Variants in HPSE2 observed in about 807,000 individuals in gnomAD.
HPSE2 encodes the protein inactive heparanase-2.
A neutral mutation model predicts 60.5 loss-of-function variants in HPSE2; 38 were observed. The observed-to-expected ratio is 0.63, with a 90% CI of 0.48 to 0.82. The LOEUF (loss-of-function observed/expected upper bound fraction) is 0.82. Among genes scored for constraint, HPSE2 ranks in the 40% least tolerant of loss-of-function variants. The pLI is 0.00. For missense variants in HPSE2, 713 were observed against 740.4 expected (o/e 0.96, Z 0.43); for synonymous variants, 295 against 293.2 (o/e 1.01, Z -0.06).
intron 11 of HPSE2, among the ~76,000 whole-genome samples, chr10:98,464,759 G>T (rs1332958880): frequency 6.6e-6 from 1 of 152,158 alleles, no homozygotes; most frequent in Non-Finnish European, 1.5e-5. Context: ...CAGCTCTAAA[G>T]AGGCTCCCTG....
At chr10:98,627,925 T>G (rs1350739240) in intron 7 of HPSE2, among the ~76,000 whole-genome samples, 1 of 152,214 alleles carries the variant, frequency 6.6e-6, no homozygotes, top group Admixed American at 6.5e-5. Context: ...AAAATGCACA[T>G]GGATAACTCA....
At position 98,940,558 on chromosome 10, in the gene HPSE2, C is replaced by T. The variant is rs1391431503; in HGVS notation, c.611-196502G>A. 2.8e-5 allele frequency among the ~76,000 whole-genome samples: 4 copies of T among 142,722 alleles called. 1 individual carries two copies. The highest frequency in any genetic ancestry group is 4.5e-5 in the Non-Finnish European group (3 of 66,960). 93.6% of individuals were successfully genotyped at this position (142,722 alleles called of 152,430 possible). A position where few individuals can be genotyped will look rare whatever the true frequency, so the allele number is the denominator to read the frequency against. On this transcript the variant is annotated intron_variant, in intron 3 of 11. Transcript: ENST00000370552. Reference sequence around the variant, plus strand: ...GAAGAAGTTGAATCTCTGAATAGACCAATAACAGGCTCTGAAATTGTGGCA... The same window carrying T: ...GAAGAAGTTGAATCTCTGAATAGACTAATAACAGGCTCTGAAATTGTGGCA...
intron 3 of HPSE2, among the ~76,000 whole-genome samples, chr10:98,757,594 A>T (rs1949907444): frequency 6.6e-6 from 1 of 152,138 alleles, no homozygotes; most frequent in Non-Finnish European, 1.5e-5. Context: ...AGCCATAAAA[A>T]AATTATAAAA....
At chr10:98,855,448 GC>G (rs1381105441) in intron 3 of HPSE2, among the ~76,000 whole-genome samples, 1 of 152,054 alleles carries the variant, frequency 6.6e-6, no homozygotes, top group African/African-American at 2.4e-5. Context: ...AAGGCACAAA[GC>G]CCAGCTCAGA....
rs115703658 is a variant in HPSE2 at position 98,574,583 on chromosome 10, G to A, written c.1320+40321C>T. Among the ~76,000 whole-genome samples the A allele has an allele frequency of 8.6e-3, 1,308 of 152,304 alleles. 17 individuals carry two copies. The highest frequency in any genetic ancestry group is 0.03 in the African/African-American group (1,253 of 41,568). The stretch of plus-strand genomic sequence containing the variant: ...CTGCTGAAGAATCTGGAACCACTCT[G>A]ATCCCACAGACCCATCCAGTCTACC... On this transcript the variant is annotated intron_variant, in intron 9 of 11. Transcript: ENST00000370552.
intron 3 of HPSE2, among the ~76,000 whole-genome samples, chr10:98,926,730 G>A (rs559270872): frequency 7.2e-5 from 11 of 152,200 alleles, no homozygotes; most frequent in African/African-American, 9.6e-5. Flanking sequence ...GCAGTGATTA[G>A]GACACATTAA....
intron 10 of HPSE2, among the ~76,000 whole-genome samples, chr10:98,488,858 G>A (rs1465765565): frequency 6.6e-6 from 1 of 152,244 alleles, no homozygotes; most frequent in Non-Finnish European, 1.5e-5. Flanking sequence ...GCCCAAGCCA[G>A]CCTCCCCTCA....
At chr10:98,889,474 C>T (rs889140005) in intron 3 of HPSE2, among the ~76,000 whole-genome samples, 2 of 151,836 alleles carry the variant, frequency 1.3e-5, no homozygotes, top group Non-Finnish European at 2.9e-5. Context: ...TCCCAAAGTG[C>T]TGGGATTACA....
chr10:98,851,014 TA>T (rs1176568637), intron 3 of HPSE2, among the ~76,000 whole-genome samples: 1 of 152,222 alleles, frequency 6.6e-6, no homozygotes, highest in Non-Finnish European at 1.5e-5. Context: ...TACTGTGAAT[TA>T]ATGTCAAACC....
At chr10:98,467,013 G>A (rs564518710) in intron 11 of HPSE2, among the ~76,000 whole-genome samples, 2 of 151,980 alleles carry the variant, frequency 1.3e-5, no homozygotes, top group Non-Finnish European at 2.9e-5. Flanking sequence ...ATTCTTTACG[G>A]CCATTTATCT....
At chr10:98,725,460 C>T (rs1949048154) in intron 4 of HPSE2, among the ~76,000 whole-genome samples, 2 of 152,162 alleles carry the variant, frequency 1.3e-5, no homozygotes, top group South Asian at 4.1e-4. Context: ...AACTGAATCC[C>T]TTCCTTACAC....
At chr10:98,852,997 C>T (rs1952219609) in intron 3 of HPSE2, among the ~76,000 whole-genome samples, 1 of 152,138 alleles carries the variant, frequency 6.6e-6, no homozygotes, top group Non-Finnish European at 1.5e-5. Flanking sequence ...CTCTTTGGGG[C>T]CTTATGTTGT....
rs544561000 is a variant in HPSE2 at position 98,956,687 on chromosome 10, C to T, written c.610+187551G>A. Reference sequence around the variant, plus strand: ...TCCTTTTACAGTTCCTTTCAAAGTACCACAGTACAATTTGGTTTACATTTC... The same window carrying T: ...TCCTTTTACAGTTCCTTTCAAAGTATCACAGTACAATTTGGTTTACATTTC... On this transcript the variant is annotated intron_variant, in intron 3 of 11. Transcript: ENST00000370552. Among the ~76,000 whole-genome samples, 3 of 152,098 alleles carry T rather than the reference C, an allele frequency of 2.0e-5. No homozygotes were observed. The South Asian group carries it at 6.2e-4, about 32-fold the overall frequency.
chr10:98,689,652 T>C (rs1460181719), intron 6 of HPSE2, among the ~76,000 whole-genome samples: 1 of 152,068 alleles, frequency 6.6e-6, no homozygotes, highest in African/African-American at 2.4e-5. Flanking sequence ...TCTTTGCATG[T>C]CTGGTAATTT....
intron 5 of HPSE2, among the ~76,000 whole-genome samples, chr10:98,704,033 A>G (rs1203936521): frequency 6.6e-6 from 1 of 152,200 alleles, no homozygotes; most frequent in Non-Finnish European, 1.5e-5. Flanking sequence ...ATCTCAGCCC[A>G]AAAACTCCTT....
chr10:99,232,202 C>A, intron 2 of HPSE2, 146 bp downstream of exon 2: 3 of 868,462 alleles, frequency 3.5e-6, no homozygotes, highest in African/African-American at 4.0e-5. Context: ...TGCCCCAACG[C>A]GCGCGCGCGC....
chr10:98,732,317 T>G (rs1311885343), intron 4 of HPSE2, among the ~76,000 whole-genome samples: 1 of 152,118 alleles, frequency 6.6e-6, no homozygotes, highest in Non-Finnish European at 1.5e-5. Context: ...ACACCCAGGA[T>G]AGCCAAATTA....
chr10:98,827,519 T>G (rs1221586574), intron 3 of HPSE2, among the ~76,000 whole-genome samples: 2 of 152,046 alleles, frequency 1.3e-5, no homozygotes, highest in African/African-American at 2.4e-5. Flanking sequence ...CACCACTAGG[T>G]TTTCAACAGT....
chr10:98,874,762 C>G (rs183908198), intron 3 of HPSE2, among the ~76,000 whole-genome samples: 5 of 152,000 alleles, frequency 3.3e-5, no homozygotes, highest in Admixed American at 3.3e-4. Context: ...ATAAATAGCT[C>G]TTATTATTTT....
Sources: allele counts gnomAD v4.1 joint callset (sites outside exome capture counted in the v4.1 genomes callset), GRCh38; gene constraint gnomAD v4.1.1; transcripts MANE v1.5; gene names NCBI Gene and HGNC (gene_info 2026-07-23, HGNC 2026-07-21).